NKAIN1: variants seen among roughly 807,000 people sequenced by gnomAD.
NKAIN1 encodes the protein sodium/potassium transporting ATPase interacting 1.
Under a neutral mutation model 31.6 loss-of-function variants are expected in NKAIN1, and 13 were observed. That is an observed-to-expected ratio of 0.41 (90% CI 0.27 to 0.65). The LOEUF (loss-of-function observed/expected upper bound fraction) is 0.65. NKAIN1 is among the 30% of genes least tolerant of loss of function. NKAIN1 has a pLI of 0.30. For missense variants in NKAIN1, 193 were observed against 262.2 expected, an observed-to-expected ratio of 0.74 and a Z score of 1.82; for synonymous variants, 104 against 109.0, an observed-to-expected ratio of 0.95 and a Z score of 0.28.
At chr1:31,235,742 C>T (rs1385607206) in intron 1 of NKAIN1, among the ~76,000 whole-genome samples, 1 of 152,182 alleles carries the variant, frequency 6.6e-6, no homozygotes, top group Non-Finnish European at 1.5e-5. Flanking sequence ...TAATGCCTCC[C>T]ATTTTACAGA....
chr1:31,239,454 G>T lies in NKAIN1; in HGVS notation c.54+40C>A. On this transcript the variant is annotated intron_variant, in intron 1 of 6. Transcript: ENST00000373736. The surrounding 1 kb of genome is among the most constrained non-coding windows in gnomAD (Gnocchi z 4.8). Reference sequence around the variant, plus strand: ...ACGCCCTGGGACCGCGCCCCGCCGCGCCCCACCCTGCCCCGACTGCCTGGG... The same window carrying T: ...ACGCCCTGGGACCGCGCCCCGCCGCTCCCCACCCTGCCCCGACTGCCTGGG... 3.5e-6 allele frequency: 5 copies of T among 1,422,418 alleles called. No individual in the cohort carries two copies. Among genetic ancestry groups the T allele is most frequent in the Non-Finnish European group, 4.6e-6 (5 of 1,089,064 alleles). The allele number at this position is 1,422,418 out of a possible 1,614,324, so 88.1% of individuals were successfully genotyped here.
At chr1:31,215,657 A>G (rs1570470398) in intron 1 of NKAIN1, among the ~76,000 whole-genome samples, 1 of 152,062 alleles carries the variant, frequency 6.6e-6, no homozygotes, top group South Asian at 2.1e-4. Context: ...TTTCCTGGTA[A>G]TCCATCGTAT....
In NKAIN1 at chr1:31,182,384, C is replaced by T. The variant is rs1040541171; in HGVS notation, c.532+146G>A. 4 of 822,050 alleles carry T rather than the reference C, an allele frequency of 4.9e-6. No homozygotes were observed. In the Admixed American group the frequency reaches 9.2e-5, roughly 19 times the overall value. 50.9% of individuals were successfully genotyped at this position (822,050 alleles called of 1,614,324 possible). ...GCCTGGAACGGGCTGGTATGCAGAG[C>T]CTTCCATACCAGCCGCCTCTTCCCC... On this transcript the variant is annotated intron_variant, in intron 5 of 6. Transcript: ENST00000373736.
chr1:31,230,763 G>A (rs1645641256), intron 1 of NKAIN1, among the ~76,000 whole-genome samples: 1 of 61,146 alleles, frequency 1.6e-5, no homozygotes, highest in African/African-American at 3.3e-5. Flanking sequence ...TATATATTTA[G>A]GGGGCACATG....
At chr1:31,223,723 C>A (rs753773383) in intron 1 of NKAIN1, among the ~76,000 whole-genome samples, 1 of 152,116 alleles carries the variant, frequency 6.6e-6, no homozygotes, top group Non-Finnish European at 1.5e-5. Context: ...GGATTACAGG[C>A]GTGAGCCACC....
rs200258306 is a variant in NKAIN1 at position 31,221,776 on chromosome 1, A to G, written c.54+17718T>C. On this transcript the variant is annotated intron_variant, in intron 1 of 6. Transcript: ENST00000373736. ...ACAAACCTCCAAGTGCTTTTGATGCATGCTAAAGTTTGAGAAACACAGCTT... is the reference window on the plus strand; with the variant it reads ...ACAAACCTCCAAGTGCTTTTGATGCGTGCTAAAGTTTGAGAAACACAGCTT... 2.0e-4 allele frequency among the ~76,000 whole-genome samples: 30 copies of G among 152,304 alleles called. No individual in the cohort carries two copies. The East Asian group carries it at 5.2e-3, about 26-fold the overall frequency.
intron 4 of NKAIN1, 74 bp downstream of exon 4, chr1:31,183,743 C>T (rs1296412888): frequency 6.7e-7 from 1 of 1,499,702 alleles, no homozygotes; most frequent in Non-Finnish European, 9.1e-7. Flanking sequence ...CCACTGCGCC[C>T]AACCCATCCC....
intron 1 of NKAIN1, among the ~76,000 whole-genome samples, chr1:31,201,052 T>C (rs1172576624): frequency 3.3e-5 from 5 of 151,960 alleles, no homozygotes; most frequent in Non-Finnish European, 1.5e-5. Flanking sequence ...AGGCTCACGC[T>C]CCCAGCAATT....
At position 31,181,397 on chromosome 1, in the gene NKAIN1, G is replaced by A. The variant is rs1322545567; in HGVS notation, c.*306C>T. 2.9e-6 allele frequency: 1 copy of A among 341,452 alleles called. No homozygotes were observed. Among genetic ancestry groups the A allele is most frequent in the Admixed American group, 4.7e-5 (1 of 21,268 alleles). The allele number at this position is 341,452 out of a possible 1,614,324, so 21.2% of individuals were successfully genotyped here. ...AGTGAAAGGGAGAGGCTGGAGAAGA[G>A]AGGAAGGCCCCAGCTCACGCCAAGG... On this transcript the variant is annotated 3_prime_UTR_variant, in exon 7 of 7. Coordinates refer to ENST00000373736, the MANE Select transcript of NKAIN1 (RefSeq NM_024522.3).
chr1:31,188,180 G>A lies in NKAIN1; in HGVS notation c.62C>T (p.Ala21Val), dbSNP rs569994047. ...GAAGTCAAAGATCTGCCGCTCCAGC[G>A]CAGCCACCTGTGGAAGAGACAGGCT... Reference protein sequence around the residue: ...VAFCCLQLVAALERQIFDFLG... With the variant: ...VAFCCLQLVAVLERQIFDFLG... The change falls in exon 2 of 7, where the codon GCG (alanine) becomes GTG (valine). Residue 21 changes from alanine (A) to valine (V), a missense_variant. Physicochemically the swap from Ala to Val is moderately conservative, Grantham distance 64. Transcript: ENST00000373736. The A allele has an allele frequency of 1.9e-5, 29 of 1,551,468 alleles. 1 individual carries two copies. Among genetic ancestry groups the A allele is most frequent in the Middle Eastern group, 3.3e-4 (2 of 5,990 alleles).
intron 1 of NKAIN1, among the ~76,000 whole-genome samples, chr1:31,235,508 G>C (rs1645687455): frequency 6.6e-6 from 1 of 152,044 alleles, no homozygotes; most frequent in African/African-American, 2.4e-5. Flanking sequence ...TGAGCTCAGG[G>C]ATTTGAGGCT....
chr1:31,224,941 G>A (rs751869844), intron 1 of NKAIN1, among the ~76,000 whole-genome samples: 3 of 152,136 alleles, frequency 2.0e-5, no homozygotes, highest in Non-Finnish European at 2.9e-5. Context: ...CAAAGCCAGC[G>A]GACACTGCAC....
intron 2 of NKAIN1, among the ~76,000 whole-genome samples, chr1:31,185,924 C>T (rs1055905562): frequency 6.6e-6 from 1 of 152,024 alleles, no homozygotes; most frequent in Non-Finnish European, 1.5e-5. Flanking sequence ...GCTGGATGAA[C>T]CCATTAAGAC....
chr1:31,212,307 TGG>T, intron 1 of NKAIN1, among the ~76,000 whole-genome samples: 1 of 152,062 alleles, frequency 6.6e-6, no homozygotes, highest in African/African-American at 2.4e-5. Flanking sequence ...TAACTGAAAA[TGG>T]GTCAAAAACC....
intron 1 of NKAIN1, among the ~76,000 whole-genome samples, chr1:31,218,272 C>T (rs568111357): frequency 2.6e-5 from 4 of 152,034 alleles, no homozygotes; most frequent in African/African-American, 9.6e-5. Flanking sequence ...ACATGTTGGC[C>T]AGGATGGTCT....
At position 31,194,713 on chromosome 1, in the gene NKAIN1, C is replaced by A. The variant is rs117935641; in HGVS notation, c.55-6526G>T. ...TGAGCCCCTGCACCTGGCCTGCTTTCTTTTTTCTTTTCATTTCCTTTCCTT... is the reference window on the plus strand; with the variant it reads ...TGAGCCCCTGCACCTGGCCTGCTTTATTTTTTCTTTTCATTTCCTTTCCTT... On this transcript the variant is annotated intron_variant, in intron 1 of 6. Transcript: ENST00000373736. 4.1e-3 allele frequency among the ~76,000 whole-genome samples: 586 copies of A among 144,570 alleles called. 35 individuals carry two copies. The East Asian group carries it at 0.1, about 25-fold the overall frequency. The allele number at this position is 144,570 out of a possible 152,430, so 94.8% of individuals were successfully genotyped here.
At chr1:31,199,273 TC>T (rs1446452325) in intron 1 of NKAIN1, among the ~76,000 whole-genome samples, 1 of 152,130 alleles carries the variant, frequency 6.6e-6, no homozygotes, top group East Asian at 1.9e-4. Flanking sequence ...CGGCAAGTTA[TC>T]CCCCTCTCTG....
chr1:31,199,234 C>T (rs1358712571), intron 1 of NKAIN1, among the ~76,000 whole-genome samples: 1 of 152,206 alleles, frequency 6.6e-6, no homozygotes, highest in Non-Finnish European at 1.5e-5. Flanking sequence ...GTTCCAGCCC[C>T]AGTTCTCATC....
intron 4 of NKAIN1, among the ~76,000 whole-genome samples, chr1:31,183,468 T>TTTTTTTTTTTTTTTA (rs1645218995): frequency 7.7e-6 from 1 of 129,110 alleles, no homozygotes; most frequent in African/African-American, 2.9e-5. Context: ...TTTTTTTTTT[T>TTTTTTTTTTTTTTTA]ATGGAGTTTC....
Sources: allele counts gnomAD v4.1 joint callset (sites outside exome capture counted in the v4.1 genomes callset), GRCh38; gene constraint gnomAD v4.1.1; non-coding constraint Gnocchi (gnomAD v3.1); transcripts MANE v1.5; gene names NCBI Gene and HGNC (gene_info 2026-07-23, HGNC 2026-07-21).